BTBD9: variants seen among roughly 807,000 people sequenced by gnomAD.
BTBD9 encodes the protein BTB domain containing 9, also known as BTB/POZ domain-containing protein 9.
In BTBD9, 49 loss-of-function variants were observed where a neutral mutation model predicts 64.3. That is an observed-to-expected ratio of 0.76 (90% CI 0.61 to 0.97). BTBD9 has a LOEUF of 0.97. Ranked by LOEUF, BTBD9 falls within the 50% of genes least tolerant of loss-of-function variation. The pLI is 0.00. For synonymous variants in BTBD9, 260 were observed against 274.7 expected (o/e 0.95, Z 0.53); for missense variants, 598 against 762.1 (o/e 0.78, Z 2.53).
At chr6:38,352,145 G>A (rs556995960) in intron 6 of BTBD9, among the ~76,000 whole-genome samples, 17 of 152,202 alleles carry the variant, frequency 1.1e-4, no homozygotes, top group Admixed American at 3.3e-4. Flanking sequence ...AGGAGGCCAA[G>A]GTGGGAGGAT....
At chr6:38,375,423 C>G (rs1473515947) in intron 6 of BTBD9, among the ~76,000 whole-genome samples, 1 of 152,072 alleles carries the variant, frequency 6.6e-6, no homozygotes, top group Non-Finnish European at 1.5e-5. Flanking sequence ...AAGTCTGCAC[C>G]CTGAAGATGC....
At chr6:38,328,144 G>T (rs1291270006) in intron 7 of BTBD9, among the ~76,000 whole-genome samples, 1 of 152,170 alleles carries the variant, frequency 6.6e-6, no homozygotes. Context: ...ACAGGAAAAT[G>T]TAATAAAAAC....
chr6:38,419,409 C>T (rs947547688), intron 6 of BTBD9, among the ~76,000 whole-genome samples: 2 of 152,068 alleles, frequency 1.3e-5, no homozygotes, highest in African/African-American at 4.8e-5. Flanking sequence ...AAAGCTGTTA[C>T]AAAAAATAGT....
chr6:38,267,177 C>T (rs1765040122), intron 8 of BTBD9, among the ~76,000 whole-genome samples: 1 of 152,204 alleles, frequency 6.6e-6, no homozygotes, highest in South Asian at 2.1e-4. Flanking sequence ...GCTTCATTTG[C>T]TAGGAAGGCT....
intron 2 of BTBD9, among the ~76,000 whole-genome samples, chr6:38,596,908 G>C (rs76742707): frequency 0.016 from 2,372 of 152,226 alleles, 45 homozygotes; most frequent in African/African-American, 0.053. Flanking sequence ...GCAGAGGACA[G>C]AGGCTGATAA....
intron 9 of BTBD9, chr6:38,193,704 A>G: frequency 1.8e-6 from 1 of 567,186 alleles, no homozygotes; most frequent in Non-Finnish European, 2.2e-6. Flanking sequence ...AGTTGCTGCC[A>G]TCCCTCCTCC....
chr6:38,540,016 A>G (rs1195955347), intron 6 of BTBD9, among the ~76,000 whole-genome samples: 1 of 152,174 alleles, frequency 6.6e-6, no homozygotes, highest in Non-Finnish European at 1.5e-5. Context: ...TTTTTCCTTA[A>G]AAGTCAAGGT....
At chr6:38,322,060 A>C (rs1009994446) in intron 7 of BTBD9, among the ~76,000 whole-genome samples, 1 of 151,976 alleles carries the variant, frequency 6.6e-6, no homozygotes, top group Non-Finnish European at 1.5e-5. Context: ...AGTTTTACAA[A>C]GCCCTGGCCC....
rs1491491696 is a variant in BTBD9 at position 38,169,763 on chromosome 6, C to CT, written c.*5221dup. 2 of 145,944 alleles carry CT rather than the reference C, an allele frequency of 1.4e-5. No individual in the cohort carries two copies. The highest frequency in any genetic ancestry group is 5.0e-5 in the African/African-American group (2 of 40,028). 9.0% of individuals were successfully genotyped at this position (145,944 alleles called of 1,614,324 possible). On this transcript the variant is annotated 3_prime_UTR_variant, in exon 11 of 11. Transcript: ENST00000481247. Reference sequence around the variant, plus strand: ...GGCTGCAGGGCCTCCTCCACCCCCCCTCCCCCCCGCCCATTCAGGGCTATA... The same window carrying CT: ...GGCTGCAGGGCCTCCTCCACCCCCCCTTCCCCCCCGCCCATTCAGGGCTATA...
At chr6:38,410,390 T>TTGAGCCCAGGAGGC (rs1428035831) in intron 6 of BTBD9, among the ~76,000 whole-genome samples, 2 of 152,108 alleles carry the variant, frequency 1.3e-5, no homozygotes, top group East Asian at 3.9e-4. Context: ...GGAGGATCAC[T>TTGAGCCCAGGAGGC]TGAGCCCAGG....
At chr6:38,272,530 G>T (rs757003490) in intron 8 of BTBD9, among the ~76,000 whole-genome samples, 1 of 152,108 alleles carries the variant, frequency 6.6e-6, no homozygotes, top group Non-Finnish European at 1.5e-5. Context: ...ATTTTAAATG[G>T]ATGACTCTGT....
At chr6:38,318,174 C>T (rs1044406188) in intron 7 of BTBD9, among the ~76,000 whole-genome samples, 1 of 152,158 alleles carries the variant, frequency 6.6e-6, no homozygotes, top group South Asian at 2.1e-4. Context: ...GGATTACAGG[C>T]GTGAGCCACT....
chr6:38,580,618 G>A (rs1405486214), intron 4 of BTBD9, among the ~76,000 whole-genome samples, 181 bp from the exon 5 acceptor site: 1 of 152,170 alleles, frequency 6.6e-6, no homozygotes, highest in African/African-American at 2.4e-5. Flanking sequence ...TTCAGAGGCC[G>A]GGTGCAGTGG....
chr6:38,613,715 A>T (rs1282573040), intron 1 of BTBD9, among the ~76,000 whole-genome samples: 2 of 152,186 alleles, frequency 1.3e-5, no homozygotes, highest in Non-Finnish European at 2.9e-5. Context: ...TTTCAATATA[A>T]AAATGTCAGA....
intron 6 of BTBD9, among the ~76,000 whole-genome samples, chr6:38,397,197 G>A (rs1009281862): frequency 3.9e-5 from 6 of 151,994 alleles, no homozygotes; most frequent in East Asian, 3.9e-4. Flanking sequence ...CCACTGCACC[G>A]TCTCACTTGC....
intron 9 of BTBD9, among the ~76,000 whole-genome samples, chr6:38,249,790 GA>G (rs1259513723): frequency 6.7e-6 from 1 of 149,178 alleles, no homozygotes; most frequent in Non-Finnish European, 1.5e-5. Flanking sequence ...AAGACTCAAG[GA>G]AAAAAAAAGA....
chr6:38,425,983 G>A (rs534521601), intron 6 of BTBD9, among the ~76,000 whole-genome samples: 3 of 150,708 alleles, frequency 2.0e-5, no homozygotes, highest in South Asian at 4.2e-4. Context: ...CAGACCAGAA[G>A]CTATAAAAGC....
At chr6:38,517,274 C>T (rs976907094) in intron 6 of BTBD9, among the ~76,000 whole-genome samples, 6 of 152,206 alleles carry the variant, frequency 3.9e-5, no homozygotes, top group African/African-American at 1.4e-4. Context: ...ATAACAAAAG[C>T]AGTATCTGGC....
At chr6:38,405,371 A>G (rs2127246860) in intron 6 of BTBD9, among the ~76,000 whole-genome samples, 1 of 152,322 alleles carries the variant, frequency 6.6e-6, no homozygotes, top group East Asian at 1.9e-4. Context: ...CTTGCCATAG[A>G]GAGTAATGAT....
Sources: allele counts gnomAD v4.1 joint callset (sites outside exome capture counted in the v4.1 genomes callset), GRCh38; gene constraint gnomAD v4.1.1; transcripts MANE v1.5; gene names NCBI Gene and HGNC (gene_info 2026-07-23, HGNC 2026-07-21).